PLEKHM3: variants seen among roughly 807,000 people sequenced by gnomAD.
PLEKHM3 encodes pleckstrin homology domain-containing family M member 3.
Under a neutral mutation model 81.8 loss-of-function variants are expected in PLEKHM3, and 45 were observed. The observed-to-expected ratio is 0.55, with a 90% confidence interval of 0.43 to 0.71. PLEKHM3 has a LOEUF of 0.71. Among genes scored for constraint, PLEKHM3 ranks in the 30% least tolerant of loss-of-function variants. The pLI is 0.00. For missense variants in PLEKHM3, 788 were observed against 924.3 expected (o/e 0.85, Z 1.91); for synonymous variants, 352 against 356.4 (o/e 0.99, Z 0.14).
At position 208,021,712 on chromosome 2, in the gene PLEKHM3, C is replaced by A. The variant is rs115922084; in HGVS notation, c.-319+3677G>T. ...AGAATAAAAGGCAAAATAAACAATG[C>A]CTATTCACCCTCCACTGGAAAAAAG... On this transcript the variant is annotated intron_variant, in intron 1 of 7. Coordinates refer to ENST00000427836, the MANE Select transcript of PLEKHM3 (RefSeq NM_001080475.3). Among the ~76,000 whole-genome samples, 1,218 of 152,300 alleles carry A rather than the reference C, an allele frequency of 8.0e-3. 20 individuals are homozygous for A. Among genetic ancestry groups the A allele is most frequent in the African/African-American group, 0.028 (1,150 of 41,560 alleles).
At chr2:207,840,194 GT>G (rs1203847410) in intron 7 of PLEKHM3, among the ~76,000 whole-genome samples, 1 of 152,168 alleles carries the variant, frequency 6.6e-6, no homozygotes, top group Non-Finnish European at 1.5e-5. Flanking sequence ...TGTGGGTTTT[GT>G]TTTTTGTTTT....
chr2:207,942,254 G>A (rs1689964938), intron 4 of PLEKHM3, among the ~76,000 whole-genome samples: 2 of 152,212 alleles, frequency 1.3e-5, no homozygotes, highest in South Asian at 4.1e-4. Context: ...AGGTGTGGTG[G>A]CTCATGCCTG....
At position 207,824,954 on chromosome 2, in the gene PLEKHM3, CA is replaced by C. The variant is rs2092240467; in HGVS notation, c.*3364del. On this transcript the variant is annotated 3_prime_UTR_variant, in exon 8 of 8. Transcript: ENST00000427836. Reference sequence around the variant, plus strand: ...AAGAATCAAAAACCGATGACCCTCTCAGCGAATCCGATGTTAAAGCTCCTAA... The same window carrying C: ...AAGAATCAAAAACCGATGACCCTCTCGCGAATCCGATGTTAAAGCTCCTAA... The C allele has an allele frequency of 6.6e-6, 1 of 152,192 alleles. No homozygotes were observed. The highest frequency in any genetic ancestry group is 1.5e-5 in the Non-Finnish European group (1 of 68,044). 9.4% of individuals were successfully genotyped at this position (152,192 alleles called of 1,614,324 possible).
chr2:207,940,405 C>A (rs554487536), intron 4 of PLEKHM3, among the ~76,000 whole-genome samples: 2 of 152,260 alleles, frequency 1.3e-5, no homozygotes, highest in African/African-American at 4.8e-5. Context: ...TGCATTAACC[C>A]ATTTACCCAG....
At chr2:207,999,456 A>T (rs1574480362) in intron 2 of PLEKHM3, among the ~76,000 whole-genome samples, 1 of 152,082 alleles carries the variant, frequency 6.6e-6, no homozygotes, top group Non-Finnish European at 1.5e-5. Flanking sequence ...CTCTAAAAAA[A>T]ACTGAAAAAA....
intron 2 of PLEKHM3, among the ~76,000 whole-genome samples, chr2:208,000,181 T>C (rs1045907129): frequency 6.6e-6 from 1 of 152,180 alleles, no homozygotes; most frequent in Non-Finnish European, 1.5e-5. Context: ...AGGGAGGACC[T>C]AACCACCCTC....
intron 2 of PLEKHM3, among the ~76,000 whole-genome samples, chr2:207,982,146 T>C (rs1025861302): frequency 2.0e-5 from 3 of 152,210 alleles, no homozygotes; most frequent in Non-Finnish European, 4.4e-5. Context: ...GAGATGGCTA[T>C]GGCCACCATG....
At chr2:207,930,726 T>C (rs1433262204) in intron 5 of PLEKHM3, among the ~76,000 whole-genome samples, 200 bp downstream of exon 5, 1 of 152,200 alleles carries the variant, frequency 6.6e-6, no homozygotes, top group Non-Finnish European at 1.5e-5. Context: ...TTCATTTTGC[T>C]TGGCTTAACC....
At chr2:207,880,421 A>C (rs2092581023) in intron 6 of PLEKHM3, among the ~76,000 whole-genome samples, 2 of 149,112 alleles carry the variant, frequency 1.3e-5, no homozygotes, top group South Asian at 4.3e-4. Flanking sequence ...AAAAAAAAAA[A>C]AACGCAAATT....
At chr2:207,984,344 C>T (rs77131959) in intron 2 of PLEKHM3, among the ~76,000 whole-genome samples, 1 of 152,154 alleles carries the variant, frequency 6.6e-6, no homozygotes, top group South Asian at 2.1e-4. Context: ...TTAATAATTC[C>T]TTATCTAATA....
intron 1 of PLEKHM3, among the ~76,000 whole-genome samples, chr2:208,023,700 C>T (rs1693205707): frequency 6.6e-6 from 1 of 152,062 alleles, no homozygotes; most frequent in African/African-American, 2.4e-5. Flanking sequence ...CACCCCCCTA[C>T]TCCCCGACCC....
intron 1 of PLEKHM3, among the ~76,000 whole-genome samples, chr2:208,009,458 CT>C (rs1692613193): frequency 6.6e-6 from 1 of 152,186 alleles, no homozygotes; most frequent in African/African-American, 2.4e-5. Context: ...CATGTTCCTT[CT>C]CAAATGACGA....
At chr2:207,952,023 C>T (rs565573435) in intron 3 of PLEKHM3, among the ~76,000 whole-genome samples, 1 of 152,258 alleles carries the variant, frequency 6.6e-6, no homozygotes, top group African/African-American at 2.4e-5. Flanking sequence ...CACTTTCCAT[C>T]TCTTAAAGTA....
intron 2 of PLEKHM3, among the ~76,000 whole-genome samples, chr2:207,997,986 C>T (rs139895118): frequency 3.3e-5 from 5 of 152,286 alleles, no homozygotes; most frequent in Non-Finnish European, 7.4e-5. Context: ...TATTGGCACA[C>T]CCCTCCACAA....
intron 6 of PLEKHM3, among the ~76,000 whole-genome samples, chr2:207,903,347 G>A (rs1688503667): frequency 6.6e-6 from 1 of 152,042 alleles, no homozygotes; most frequent in South Asian, 2.1e-4. Context: ...GTGTGTGCGG[G>A]GGTGAGGTGG....
chr2:207,910,491 A>G (rs1014290626), intron 5 of PLEKHM3, among the ~76,000 whole-genome samples: 15 of 152,212 alleles, frequency 9.9e-5, no homozygotes, highest in African/African-American at 3.1e-4. Context: ...TTCATTTTAC[A>G]TAAGAGGAAA....
At chr2:207,868,365 T>A (rs1434657541) in intron 6 of PLEKHM3, among the ~76,000 whole-genome samples, 3 of 151,784 alleles carry the variant, frequency 2.0e-5, no homozygotes, top group Non-Finnish European at 4.4e-5. Flanking sequence ...CATTAGGGAG[T>A]CTCCCAGAGG....
intron 5 of PLEKHM3, among the ~76,000 whole-genome samples, chr2:207,924,820 C>T (rs1240594059): frequency 6.6e-6 from 1 of 152,126 alleles, no homozygotes; most frequent in Non-Finnish European, 1.5e-5. Flanking sequence ...TGCAGAAGGG[C>T]AGCCGAGGTG....
intron 3 of PLEKHM3, among the ~76,000 whole-genome samples, chr2:207,970,307 A>C (rs573523793): frequency 4.5e-4 from 68 of 151,584 alleles, no homozygotes; most frequent in Non-Finnish European, 7.8e-4. Flanking sequence ...CAAACACACA[A>C]AGAGGAGGAA....
Sources: gnomAD v4.1 joint callset for allele counts (sites outside exome capture counted in the v4.1 genomes callset) on GRCh38, gnomAD v4.1.1 for gene constraint, MANE v1.5 for transcripts, NCBI Gene and HGNC (gene_info 2026-07-23, HGNC 2026-07-21) for gene names.